RNF214: variants seen among roughly 807,000 people sequenced by gnomAD.
The protein encoded by RNF214 is ring finger protein 214.
RNF214 carries 25 observed loss-of-function variants against 75.9 expected under a neutral mutation model. The ratio of observed to expected loss-of-function variants is 0.33; its 90% confidence interval spans 0.24 to 0.46. RNF214 has a LOEUF of 0.46. Among genes scored for constraint, RNF214 ranks in the 20% least tolerant of loss-of-function variants. The probability of loss-of-function intolerance (pLI) is 1.00; values close to 1 mark genes in which losing one functional copy is unlikely to be tolerated. For missense variants in RNF214, 725 were observed against 857.5 expected, an observed-to-expected ratio of 0.85 and a Z score of 1.93; for synonymous variants, 314 against 308.8, an observed-to-expected ratio of 1.02 and a Z score of -0.18.
At position 117,282,548 on chromosome 11, in the gene RNF214, C is replaced by T; in HGVS notation, c.1845+12C>T. 6.2e-7 allele frequency: 1 copy of T among 1,613,200 alleles called. No individual in the cohort carries two copies. The highest frequency in any genetic ancestry group is 8.5e-7 in the Non-Finnish European group (1 of 1,179,622). On this transcript the variant is annotated intron_variant, in intron 12 of 14. Coordinates refer to ENST00000300650, the MANE Select transcript of RNF214 (RefSeq NM_207343.4). ...CAGCAAGTACTCAGGTGAGAAAAGC[C>T]ACTTGGGAGAGAACTTAGGCATGTT...
At chr11:117,239,966 C>A (rs2033025584) in intron 4 of RNF214, 106 bp downstream of exon 4, 2 of 651,926 alleles carry the variant, frequency 3.1e-6, no homozygotes, top group Admixed American at 2.8e-5. Context: ...TCATAAAATT[C>A]CTGACAGATG....
At chr11:117,261,302 G>C (rs2033656607) in intron 6 of RNF214, among the ~76,000 whole-genome samples, 1 of 152,094 alleles carries the variant, frequency 6.6e-6, no homozygotes, top group African/African-American at 2.4e-5. Flanking sequence ...ATTATTGGCT[G>C]GGCTCAGTGG....
At chr11:117,240,462 T>C (rs140479252) in intron 4 of RNF214, among the ~76,000 whole-genome samples, 15,463 of 141,810 alleles carry the variant, frequency 0.11, 867 homozygotes, top group Middle Eastern at 0.16. Flanking sequence ...CCAAGGCAGG[T>C]GGATCACCTG....
chr11:117,283,348 A>G (rs916451906), intron 14 of RNF214, 138 bp downstream of exon 14: 2 of 646,052 alleles, frequency 3.1e-6, no homozygotes, highest in Non-Finnish European at 2.7e-6. Flanking sequence ...GCTCATCATT[A>G]ATATCTTTTT....
chr11:117,245,295 A>G (rs1376739588), intron 5 of RNF214, among the ~76,000 whole-genome samples: 2 of 150,236 alleles, frequency 1.3e-5, no homozygotes, highest in South Asian at 2.1e-4. Context: ...CTCCAGCCTG[A>G]GTGACAGAAC....
chr11:117,239,326 A>G (rs2033006123), intron 3 of RNF214: 2 of 573,202 alleles, frequency 3.5e-6, no homozygotes, highest in Admixed American at 3.4e-5. Context: ...GTCTAATCTT[A>G]TGGCAAGTAG....
chr11:117,234,356 C>T lies in RNF214; in HGVS notation c.84C>T (p.Asp28=). Residue 28 remains aspartate, a synonymous_variant, in exon 2 of 15, where the codon GAC becomes GAT. Transcript: ENST00000300650. ...CTAGTTTATGTGCTTCCAAATCAGA[C>T]GAAGGTCTCCCAGATGGTCTAAGGT... ...ESSSLCASKS[D]EGLPDGLSTK... 5 of 1,613,690 alleles carry T rather than the reference C, an allele frequency of 3.1e-6. No homozygotes were observed. The highest frequency in any genetic ancestry group is 2.2e-5 in the South Asian group (2 of 91,074).
chr11:117,254,164 G>A (rs976639441), intron 6 of RNF214, among the ~76,000 whole-genome samples: 11 of 152,012 alleles, frequency 7.2e-5, no homozygotes, highest in African/African-American at 2.7e-4. Context: ...CACAAGAATT[G>A]CTTAAACCCG....
Position 117,234,276 on chromosome 11 carries a change from G to A in RNF214, c.4G>A (p.Ala2Thr). The stretch of plus-strand genomic sequence containing the variant: ...GTTTCTGAATGTACAGAGCATAATG[G>A]CAGCGTCTGAGGTTGCTGGTGTTGT... MAASEVAGVVAN... is the reference protein window; with the variant it reads MTASEVAGVVAN... The change falls in exon 2 of 15, where the codon GCA becomes ACA. Residue 2 changes from alanine to threonine, a missense_variant. This residue lies in a region of RNF214 where 362 missense variants were observed against 344.5 expected (regional missense o/e 1.05). Coordinates refer to ENST00000300650, the MANE Select transcript of RNF214 (RefSeq NM_207343.4). 6.2e-7 allele frequency: 1 copy of A among 1,612,538 alleles called. No individual in the cohort carries two copies. The highest frequency in any genetic ancestry group is 8.5e-7 in the Non-Finnish European group (1 of 1,178,508).
intron 6 of RNF214, among the ~76,000 whole-genome samples, chr11:117,258,422 C>CT (rs148722873): frequency 8.7e-4 from 132 of 151,312 alleles, no homozygotes; most frequent in African/African-American, 2.6e-3. Context: ...TTTTTTCTTT[C>CT]TTTTTTTTTA....
chr11:117,282,697 C>T (rs763923354), intron 12 of RNF214, 49 bp from the exon 13 acceptor site: 42 of 1,567,650 alleles, frequency 2.7e-5, no homozygotes, highest in Non-Finnish European at 3.4e-5. Context: ...GTGATATGCT[C>T]TGTTACTCAG....
chr11:117,264,337 A>T (rs1055732542), intron 6 of RNF214, among the ~76,000 whole-genome samples: 1 of 151,930 alleles, frequency 6.6e-6, no homozygotes, highest in Non-Finnish European at 1.5e-5. Context: ...AAAAAAGAAA[A>T]TTGTTTTAGA....
At chr11:117,245,380 C>T (rs2033191174) in intron 5 of RNF214, among the ~76,000 whole-genome samples, 1 of 150,440 alleles carries the variant, frequency 6.6e-6, no homozygotes, top group Non-Finnish European at 1.5e-5. Context: ...CGCTCTGTCA[C>T]CCAGGCTGGA....
chr11:117,262,363 A>G (rs1016090828), intron 6 of RNF214, among the ~76,000 whole-genome samples: 3 of 152,036 alleles, frequency 2.0e-5, no homozygotes, highest in Non-Finnish European at 4.4e-5. Context: ...CTGGGATTAC[A>G]GGCTTGAGCC....
rs1259933438 is a variant in RNF214, at chr11:117,261,414, T to A, written c.959+14466T>A. Among the ~76,000 whole-genome samples the A allele has an allele frequency of 8.6e-5, 13 of 152,006 alleles. 1 individual carries two copies. The highest frequency in any genetic ancestry group is 1.9e-4 in the Non-Finnish European group (13 of 68,008). ...GGCCAACATGGTGAAATCCCATCTC[T>A]ACCAAAAATATAAAAATTAGCCAGG... On this transcript the variant is annotated intron_variant, in intron 6 of 14. Transcript: ENST00000300650.
At chr11:117,267,559 AAAAAAAAG>A (rs2033822374) in intron 6 of RNF214, among the ~76,000 whole-genome samples, 1 of 151,636 alleles carries the variant, frequency 6.6e-6, no homozygotes, top group Non-Finnish European at 1.5e-5. Flanking sequence ...CAAAAAATAC[AAAAAAAAG>A]AAAAAAAGAA....
chr11:117,261,900 C>T (rs909318337), intron 6 of RNF214, among the ~76,000 whole-genome samples: 1 of 151,858 alleles, frequency 6.6e-6, no homozygotes, highest in African/African-American at 2.4e-5. Flanking sequence ...CCTGGCTCAG[C>T]CTCCCAAAGT....
At chr11:117,259,955 TG>T (rs1173687114) in intron 6 of RNF214, among the ~76,000 whole-genome samples, 1 of 152,232 alleles carries the variant, frequency 6.6e-6, no homozygotes, top group African/African-American at 2.4e-5. Flanking sequence ...GTGCTTTCTC[TG>T]TCTCCTCTAA....
chr11:117,249,765 A>T (rs2033321061), intron 6 of RNF214, among the ~76,000 whole-genome samples: 1 of 152,162 alleles, frequency 6.6e-6, no homozygotes, highest in African/African-American at 2.4e-5. Context: ...TGTGCTATGC[A>T]TGCACATTCC....
Sources: gnomAD v4.1 joint callset for allele counts (sites outside exome capture counted in the v4.1 genomes callset) on GRCh38, gnomAD v4.1.1 for gene constraint, gnomAD v4.1.1 regional missense constraint, MANE v1.5 for transcripts, NCBI Gene and HGNC (gene_info 2026-07-23, HGNC 2026-07-21) for gene names.